The following FAM72B variants were observed in gnomAD, a reference collection of about 807,000 sequenced individuals.
FAM72B encodes protein FAM72B.
FAM72B carries 4 observed loss-of-function variants against 12.6 expected under a neutral mutation model. The observed-to-expected ratio is 0.32, with a 90% CI of 0.16 to 0.73. The LOEUF (loss-of-function observed/expected upper bound fraction) is 0.73, where lower values mean the gene tolerates loss of function less well. FAM72B is among the 30% of genes least tolerant of loss of function. The probability of loss-of-function intolerance (pLI) is 0.67; values close to 1 mark genes in which losing one functional copy is unlikely to be tolerated. For missense variants in FAM72B, 61 were observed against 158.4 expected, an observed-to-expected ratio of 0.39 and a Z score of 3.30; for synonymous variants, 13 against 53.9, an observed-to-expected ratio of 0.24 and a Z score of 3.32.
At chr1:121,183,026 TACGCC>T (rs1553317879) in intron 1 of FAM72B, 2 of 99,804 alleles carry the variant, frequency 2.0e-5, no homozygotes, top group African/African-American at 1.1e-4. Context: ...ACCTAAAGTC[TACGCC>T]ACGGACTTGA....
chr1:121,179,235 G>A (rs1654276890), intron 2 of FAM72B, among the ~76,000 whole-genome samples: 1 of 144,136 alleles, frequency 6.9e-6, no homozygotes, highest in Non-Finnish European at 1.5e-5. Flanking sequence ...AAAATTAACT[G>A]GGCATGGTGG....
intron 3 of FAM72B, among the ~76,000 whole-genome samples, chr1:121,176,621 C>A (rs2101324517): frequency 7.6e-6 from 1 of 132,076 alleles, no homozygotes; most frequent in East Asian, 2.3e-4. Context: ...GTGATATTTG[C>A]TTGCTTTATT....
chr1:121,171,886 G>A (rs115943512), intron 3 of FAM72B, among the ~76,000 whole-genome samples: 1,496 of 103,086 alleles, frequency 0.015, 85 homozygotes, highest in African/African-American at 0.063. Context: ...CATAATTGGA[G>A]GATTTAAAGA....
At chr1:121,176,192 C>T (rs1654209016) in intron 3 of FAM72B, among the ~76,000 whole-genome samples, 1 of 148,324 alleles carries the variant, frequency 6.7e-6, no homozygotes, top group African/African-American at 2.5e-5. Flanking sequence ...TTTTTTGAGA[C>T]AGGGTCTCAT....
chr1:121,174,342 C>A (rs1461161572), intron 3 of FAM72B, among the ~76,000 whole-genome samples: 1 of 151,062 alleles, frequency 6.6e-6, no homozygotes, highest in Non-Finnish European at 1.5e-5. Flanking sequence ...GGTGGCTACA[C>A]TAAACAACAG....
intron 2 of FAM72B, among the ~76,000 whole-genome samples, chr1:121,177,666 A>C: frequency 6.7e-6 from 1 of 150,198 alleles, no homozygotes; most frequent in Admixed American, 6.6e-5. Flanking sequence ...CTCCTGCCTC[A>C]GCCTCCAGAA....
chr1:121,173,421 T>A (rs1372863242), intron 3 of FAM72B, among the ~76,000 whole-genome samples: 1 of 142,468 alleles, frequency 7.0e-6, no homozygotes, highest in Admixed American at 7.1e-5. Context: ...AGTATAGGCA[T>A]ACCTCAATTG....
At position 121,177,298 on chromosome 1, in the gene FAM72B, A is replaced by G. The variant is rs1553316984; in HGVS notation, c.265T>C (p.Cys89Arg). ...NIVGYHVIVPCSSCLPSCNNG... is the reference protein window; with the variant it reads ...NIVGYHVIVPRSSCLPSCNNG... ...TTGCAGGAAGGAAGACAGGAACTAC[A>G]TGGAACAATCACATGATAACCTACA... Residue 89 changes from cysteine (C) to arginine (R), a missense_variant, in exon 3 of 4, where the codon TGT becomes CGT. Coordinates refer to ENST00000369390, the MANE Select transcript of FAM72B (RefSeq NM_001100910.2). The G allele has an allele frequency of 3.1e-6, 5 of 1,611,794 alleles. No individual in the cohort carries two copies. The South Asian group carries it at 5.5e-5, about 18-fold the overall frequency.
chr1:121,176,863 C>G (rs2101325101), intron 3 of FAM72B, among the ~76,000 whole-genome samples: 1 of 152,114 alleles, frequency 6.6e-6, no homozygotes, highest in South Asian at 2.1e-4. Flanking sequence ...CACACACACA[C>G]AGACACACAC....
At chr1:121,179,542 T>C (rs1296548990) in intron 2 of FAM72B, among the ~76,000 whole-genome samples, 22 of 151,602 alleles carry the variant, frequency 1.5e-4, no homozygotes, top group Admixed American at 1.1e-3. Context: ...AAATTAGCCG[T>C]GTGGGCTGGG....
At chr1:121,172,909 C>T (rs1490018953) in intron 3 of FAM72B, among the ~76,000 whole-genome samples, 1 of 137,412 alleles carries the variant, frequency 7.3e-6, no homozygotes. Flanking sequence ...CATGGTGAAA[C>T]CCTGTCTCTA....
Position 121,183,607 on chromosome 1 carries a change from C to A in FAM72B, c.-118G>T. ...TGCGGGACCTAGAGCTTTTCTAAGT[C>A]CTAATATTGGGAAGGAAATTAGTTT... On this transcript the variant is annotated 5_prime_UTR_variant, in exon 1 of 4. Coordinates refer to ENST00000369390, the MANE Select transcript of FAM72B (RefSeq NM_001100910.2). 1 of 1,580,096 alleles carries A rather than the reference C, an allele frequency of 6.3e-7. No individual in the cohort carries two copies. The highest frequency in any genetic ancestry group is 1.2e-5 in the South Asian group (1 of 85,462).
intron 2 of FAM72B, among the ~76,000 whole-genome samples, chr1:121,179,512 C>T (rs1280017763): frequency 1.5e-4 from 23 of 151,702 alleles, no homozygotes; most frequent in Non-Finnish European, 2.5e-4. Context: ...GGCGAAATCC[C>T]GTCTCTACTA....
chr1:121,170,055 C>A, intron 3 of FAM72B, among the ~76,000 whole-genome samples: 1 of 152,240 alleles, frequency 6.6e-6, no homozygotes, highest in Admixed American at 6.5e-5. Flanking sequence ...ACTGCAACCT[C>A]TGCCTCCCAG....
Position 121,168,767 on chromosome 1 carries a change from T to A in FAM72B, c.424A>T (p.Ile142Phe). The A allele has an allele frequency of 6.2e-7, 1 of 1,603,006 alleles. No individual in the cohort carries two copies. Among genetic ancestry groups the A allele is most frequent in the Non-Finnish European group, 8.5e-7 (1 of 1,177,192 alleles). ...TATCTAATACACTCCTCTGCTGAGATATTTAACACATCTTCATCTGTACTC... is the reference window on the plus strand; with the variant it reads ...TATCTAATACACTCCTCTGCTGAGAAATTTAACACATCTTCATCTGTACTC... Reference protein sequence around the residue: ...EESTDEDVLNISAEECIR With the variant: ...EESTDEDVLNFSAEECIR The change falls in exon 4 of 4, where the codon ATC becomes TTC. Residue 142 changes from isoleucine (I) to phenylalanine (F), a missense_variant. Transcript: ENST00000369390.
intron 2 of FAM72B, among the ~76,000 whole-genome samples, chr1:121,179,265 C>A (rs1294812891): frequency 3.3e-5 from 5 of 149,892 alleles, no homozygotes; most frequent in Non-Finnish European, 7.4e-5. Flanking sequence ...GTAGTCCCAG[C>A]TACTCGGGAG....
At chr1:121,174,340 C>T (rs1203862194) in intron 3 of FAM72B, among the ~76,000 whole-genome samples, 25 of 151,390 alleles carry the variant, frequency 1.7e-4, no homozygotes, top group African/African-American at 5.8e-4. Context: ...AAGGTGGCTA[C>T]ACTAAACAAC....
In FAM72B at chr1:121,183,892, TC is replaced by T. The variant is rs1654400969; in HGVS notation, c.-404del. ...CGATCGTCTAATTTAAAGCTTCTCC[TC>T]TTTTAAGACATCCCTTCCCCAGCAT... On this transcript the variant is annotated 5_prime_UTR_variant, in exon 1 of 4. It introduces an in-frame stop codon into an upstream open reading frame of the 5' UTR. Coordinates refer to ENST00000369390, the MANE Select transcript of FAM72B (RefSeq NM_001100910.2). 2 of 157,968 alleles carry T rather than the reference TC, an allele frequency of 1.3e-5. No individual in the cohort carries two copies. Among genetic ancestry groups the T allele is most frequent in the Admixed American group, 1.2e-4 (2 of 16,566 alleles). 9.8% of individuals were successfully genotyped at this position (157,968 alleles called of 1,614,324 possible).
At chr1:121,179,642 A>T (rs1181673385) in intron 2 of FAM72B, among the ~76,000 whole-genome samples, 1 of 151,822 alleles carries the variant, frequency 6.6e-6, no homozygotes, top group Non-Finnish European at 1.5e-5. Context: ...AGCCTGGGCA[A>T]CACGGTGAAA....
Sources: allele counts gnomAD v4.1 joint callset (sites outside exome capture counted in the v4.1 genomes callset), GRCh38; gene constraint gnomAD v4.1.1; transcripts MANE v1.5; gene names NCBI Gene and HGNC (gene_info 2026-07-23, HGNC 2026-07-21).